The following RBFOX3 variants were observed in gnomAD, a reference collection of about 807,000 sequenced individuals.
RBFOX3 encodes the protein RNA binding protein fox-1 homolog 3.
Under a neutral mutation model 48.7 loss-of-function variants are expected in RBFOX3, and 17 were observed. The observed-to-expected ratio is 0.35, with a 90% CI of 0.24 to 0.52. RBFOX3 has a LOEUF of 0.52. Among genes scored for constraint, RBFOX3 ranks in the 20% least tolerant of loss-of-function variants. RBFOX3 has a pLI of 0.94. For missense variants in RBFOX3, 382 were observed against 497.5 expected (o/e 0.77, Z 2.21); for synonymous variants, 212 against 209.5 (o/e 1.01, Z -0.10).
At chr17:79,321,255 G>C (rs9901962) in intron 2 of RBFOX3, among the ~76,000 whole-genome samples, 38,022 of 152,110 alleles carry the variant, frequency 0.25, 4,899 homozygotes, top group Middle Eastern at 0.36. Context: ...AGTGATGCTG[G>C]GGTCTCTACC....
intron 2 of RBFOX3, among the ~76,000 whole-genome samples, chr17:79,330,656 G>C (rs897499242): frequency 2.0e-5 from 3 of 152,106 alleles, no homozygotes; most frequent in Non-Finnish European, 2.9e-5. Flanking sequence ...TCTGGCTCTG[G>C]GACGGGCAAA....
At chr17:79,104,019 C>A in intron 7 of RBFOX3, 54 bp downstream of exon 7, 1 of 1,457,378 alleles carries the variant, frequency 6.9e-7, no homozygotes, top group South Asian at 1.2e-5. Context: ...CACACGTTAG[C>A]CTGGCGGGAC....
chr17:79,246,136 G>A (rs1021519911), intron 3 of RBFOX3, among the ~76,000 whole-genome samples: 4 of 152,022 alleles, frequency 2.6e-5, no homozygotes, highest in South Asian at 2.1e-4. Flanking sequence ...ACGTGCTTCC[G>A]TCTGATTTTA....
intron 4 of RBFOX3, among the ~76,000 whole-genome samples, chr17:79,216,713 C>T (rs1161818793): frequency 6.6e-6 from 1 of 152,168 alleles, no homozygotes; most frequent in Non-Finnish European, 1.5e-5. Context: ...ATATCCCTGT[C>T]CTGCTTGACC....
At chr17:79,607,801 G>A (rs2093868856) in intron 1 of RBFOX3, among the ~76,000 whole-genome samples, 1 of 152,202 alleles carries the variant, frequency 6.6e-6, no homozygotes, top group Non-Finnish European at 1.5e-5. Flanking sequence ...CAGGGAAGAT[G>A]GCATTTTCTC....
the RBFOX3 span, among the ~76,000 whole-genome samples, chr17:79,653,336 G>T: frequency 6.6e-6 from 1 of 152,144 alleles, no homozygotes. Context: ...CAGAAAAGAG[G>T]GCTAAGATGT....
intron 2 of RBFOX3, among the ~76,000 whole-genome samples, chr17:79,452,922 C>T (rs374304144): frequency 6.6e-6 from 1 of 152,194 alleles, no homozygotes; most frequent in Non-Finnish European, 1.5e-5. Flanking sequence ...CCATCCCGCT[C>T]ACGGCCCCCC....
intron 1 of RBFOX3, among the ~76,000 whole-genome samples, chr17:79,539,458 G>A (rs1555789597): frequency 1.3e-5 from 2 of 152,232 alleles, no homozygotes; most frequent in Non-Finnish European, 2.9e-5. Flanking sequence ...TAACCCAGGT[G>A]TAGTTTTAAG....
intron 5 of RBFOX3, among the ~76,000 whole-genome samples, chr17:79,109,697 G>A (rs1331795049): frequency 1.3e-5 from 2 of 152,200 alleles, no homozygotes; most frequent in African/African-American, 2.4e-5. Flanking sequence ...CTTGGGTACA[G>A]GTGACTGAGT....
intron 13 of RBFOX3, among the ~76,000 whole-genome samples, chr17:79,095,286 C>T (rs1021630548): frequency 1.3e-5 from 2 of 152,186 alleles, no homozygotes; most frequent in African/African-American, 4.8e-5. Context: ...ATGCGGTCTC[C>T]ACCTGGGGTT....
the RBFOX3 span, among the ~76,000 whole-genome samples, chr17:79,648,718 G>A: frequency 1.3e-5 from 2 of 152,158 alleles, no homozygotes; most frequent in South Asian, 2.1e-4. Context: ...ACTCCGGCAG[G>A]GGCTGGGGCT....
intron 2 of RBFOX3, among the ~76,000 whole-genome samples, chr17:79,456,795 C>G (rs2074574707): frequency 6.6e-6 from 1 of 152,070 alleles, no homozygotes; most frequent in Non-Finnish European, 1.5e-5. Flanking sequence ...GTCTTTCAAA[C>G]ACAAGCTCGA....
intron 3 of RBFOX3, among the ~76,000 whole-genome samples, chr17:79,304,102 CTG>C (rs1162510605): frequency 1.3e-5 from 2 of 152,120 alleles, no homozygotes; most frequent in African/African-American, 2.4e-5. Context: ...TTTCTAACTC[CTG>C]TTTGGAAAAT....
intron 1 of RBFOX3, among the ~76,000 whole-genome samples, chr17:79,593,727 A>G (rs1353306221): frequency 3.3e-5 from 5 of 152,218 alleles, no homozygotes; most frequent in African/African-American, 4.8e-5. Flanking sequence ...CGACAAGAGG[A>G]GTCGGGGAGC....
At chr17:79,658,241 A>G in the RBFOX3 span, among the ~76,000 whole-genome samples, 1 of 151,632 alleles carries the variant, frequency 6.6e-6, no homozygotes, top group Non-Finnish European at 1.5e-5. Flanking sequence ...AACCAAGTGA[A>G]ATGGTCCCCT....
At chr17:79,410,636 A>G (rs747412054) in intron 2 of RBFOX3, among the ~76,000 whole-genome samples, 1 of 152,164 alleles carries the variant, frequency 6.6e-6, no homozygotes, top group Non-Finnish European at 1.5e-5. Context: ...TCCCGTGGTG[A>G]GGAATGTGCA....
intron 1 of RBFOX3, among the ~76,000 whole-genome samples, chr17:79,513,322 C>G (rs2084770396): frequency 6.6e-6 from 1 of 152,138 alleles, no homozygotes; most frequent in Non-Finnish European, 1.5e-5. Context: ...GACACACACC[C>G]AGATACATGT....
intron 4 of RBFOX3, among the ~76,000 whole-genome samples, chr17:79,211,711 T>A (rs1248472208): frequency 6.6e-6 from 1 of 152,146 alleles, no homozygotes; most frequent in Non-Finnish European, 1.5e-5. Context: ...CCCCGGTCCA[T>A]CTCCAGCCCT....
intron 4 of RBFOX3, among the ~76,000 whole-genome samples, chr17:79,192,820 CT>C (rs2054793437): frequency 6.6e-6 from 1 of 152,176 alleles, no homozygotes; most frequent in Non-Finnish European, 1.5e-5. Context: ...TGATGGCCAC[CT>C]TTTACCAAAA....
Sources: gnomAD v4.1 joint callset for allele counts (sites outside exome capture counted in the v4.1 genomes callset) on GRCh38, gnomAD v4.1.1 for gene constraint, MANE v1.5 for transcripts, NCBI Gene and HGNC (gene_info 2026-07-23, HGNC 2026-07-21) for gene names.